Variants in AFAP1 observed in about 807,000 individuals in gnomAD.
AFAP1 encodes actin filament associated protein 1.
Under a neutral mutation model 93.9 loss-of-function variants are expected in AFAP1, and 75 were observed. The observed-to-expected ratio is 0.80, with a 90% confidence interval of 0.66 to 0.97. AFAP1 has a LOEUF of 0.97. Ranked by LOEUF, AFAP1 falls within the 50% of genes least tolerant of loss-of-function variation. AFAP1 has a pLI of 0.00. For synonymous variants in AFAP1, 517 were observed against 430.7 expected (o/e 1.20, Z -2.48); for missense variants, 1,201 against 1,050.8 (o/e 1.14, Z -1.98).
At chr4:7,911,284 C>A (rs779189128) in intron 1 of AFAP1, among the ~76,000 whole-genome samples, 1 of 152,188 alleles carries the variant, frequency 6.6e-6, no homozygotes, top group South Asian at 2.1e-4. Flanking sequence ...CAGGAGCCAG[C>A]CGCCTCCTTC....
rs1470409906 is a variant in AFAP1, at chr4:7,773,003, C to G, written c.2070G>C (p.Lys690Asn). 1 of 1,609,074 alleles carries G rather than the reference C, an allele frequency of 6.2e-7. No individual in the cohort carries two copies. The highest frequency in any genetic ancestry group is 2.2e-5 in the East Asian group (1 of 44,870). The change falls in exon 16 of 18, where the codon AAG (lysine) becomes AAC (asparagine). Residue 690 changes from lysine (K) to asparagine (N), a missense_variant. Physicochemically the swap from Lys to Asn is moderately conservative, Grantham distance 94 (BLOSUM62 0). Transcript: ENST00000420658. ...RAAIEVNAGR[K>N]PQAILEEKLK... The stretch of plus-strand genomic sequence containing the variant: ...GCTTCTCCTCCAGGATCGCCTGCGG[C>G]TTCCTGCCTGGAATTCCCAGAAACG...
intron 14 of AFAP1, 166 bp downstream of exon 14, chr4:7,778,596 T>A: frequency 1.4e-6 from 1 of 692,432 alleles, no homozygotes; most frequent in Non-Finnish European, 2.5e-6. Flanking sequence ...TGGGTTGAAA[T>A]CGCCACTGTC....
chr4:7,936,212 T>C (rs1471468427), intron 1 of AFAP1, among the ~76,000 whole-genome samples: 1 of 152,254 alleles, frequency 6.6e-6, no homozygotes, highest in Non-Finnish European at 1.5e-5. Context: ...GAGAAAATTG[T>C]GTCTCCTTTC....
intron 1 of AFAP1, among the ~76,000 whole-genome samples, chr4:7,918,783 G>T (rs528355232): frequency 2.5e-4 from 32 of 125,590 alleles, no homozygotes; most frequent in African/African-American, 1.0e-3. Flanking sequence ...ACTCGGCCCA[G>T]GTCACCAGGA....
chr4:7,842,887 T>C (rs909376912), intron 5 of AFAP1: 3 of 484,402 alleles, frequency 6.2e-6, no homozygotes, highest in African/African-American at 5.8e-5. Context: ...TGCCCGGGAA[T>C]GGGAATGATT....
intron 4 of AFAP1, among the ~76,000 whole-genome samples, chr4:7,850,093 G>C (rs949763032): frequency 2.0e-5 from 3 of 152,092 alleles, no homozygotes; most frequent in Non-Finnish European, 4.4e-5. Context: ...GCAGAGATCT[G>C]ACTTATGTTT....
At chr4:7,806,910 G>C (rs887927930) in intron 9 of AFAP1, among the ~76,000 whole-genome samples, 3 of 148,690 alleles carry the variant, frequency 2.0e-5, no homozygotes, top group Admixed American at 6.7e-5. Flanking sequence ...GCAGTGTCTA[G>C]TCACCAGCAC....
chr4:7,845,507 T>C (rs1333248600), intron 4 of AFAP1, among the ~76,000 whole-genome samples: 2 of 152,048 alleles, frequency 1.3e-5, no homozygotes, highest in African/African-American at 2.4e-5. Flanking sequence ...GCACTAGGAA[T>C]GGGCTGAAGA....
intron 3 of AFAP1, among the ~76,000 whole-genome samples, chr4:7,866,705 G>A (rs544386625): frequency 6.6e-6 from 1 of 152,196 alleles, no homozygotes; most frequent in South Asian, 2.1e-4. Flanking sequence ...AAATAACAAT[G>A]CTATATTTCT....
At chr4:7,819,887 A>G (rs894511579) in intron 6 of AFAP1, among the ~76,000 whole-genome samples, 3 of 152,248 alleles carry the variant, frequency 2.0e-5, no homozygotes, top group African/African-American at 7.2e-5. Flanking sequence ...CCTGTGCTTC[A>G]GCTTCCTCAT....
At chr4:7,792,853 C>T (rs999231014) in intron 11 of AFAP1, among the ~76,000 whole-genome samples, 5 of 152,156 alleles carry the variant, frequency 3.3e-5, no homozygotes, top group African/African-American at 1.2e-4. Context: ...CTTTTACTAT[C>T]GCAAATGGTA....
chr4:7,898,808 AGTGTGT>A (rs56404898), intron 1 of AFAP1, among the ~76,000 whole-genome samples: 34 of 137,022 alleles, frequency 2.5e-4, no homozygotes, highest in African/African-American at 3.3e-4. Context: ...GGGCAGTAGA[AGTGTGT>A]GTGTGTGTGT....
At chr4:7,880,443 C>A (rs1717775149) in intron 1 of AFAP1, among the ~76,000 whole-genome samples, 1 of 152,138 alleles carries the variant, frequency 6.6e-6, no homozygotes, top group Admixed American at 6.5e-5. Context: ...CCACACCCGG[C>A]TAATTTTTGT....
At chr4:7,900,037 T>C (rs1241634858) in intron 1 of AFAP1, among the ~76,000 whole-genome samples, 2 of 152,116 alleles carry the variant, frequency 1.3e-5, no homozygotes, top group Non-Finnish European at 1.5e-5. Flanking sequence ...CCATGGCAAA[T>C]ACCCCCAGCA....
chr4:7,773,043 G>GC, intron 15 of AFAP1, 33 bp from the exon 16 acceptor site: 2 of 1,591,398 alleles, frequency 1.3e-6, no homozygotes, highest in Non-Finnish European at 1.7e-6. Context: ...TACTCCCGCG[G>GC]CAGGCACAGG....
At chr4:7,883,672 A>G (rs760905075) in intron 1 of AFAP1, among the ~76,000 whole-genome samples, 3 of 152,260 alleles carry the variant, frequency 2.0e-5, no homozygotes, top group Non-Finnish European at 4.4e-5. Context: ...TATATCAAAC[A>G]ATAAATAGCT....
chr4:7,835,334 G>A (rs77623945), intron 6 of AFAP1, among the ~76,000 whole-genome samples: 1,417 of 34,738 alleles, frequency 0.041, no homozygotes, highest in African/African-American at 0.15. Context: ...GACTGCGGGC[G>A]GCCTCAAGGT....
intron 15 of AFAP1, 160 bp downstream of exon 15, chr4:7,774,579 A>G: frequency 8.7e-7 from 1 of 1,152,986 alleles, no homozygotes; most frequent in South Asian, 1.7e-5. Flanking sequence ...CGGGGTTACC[A>G]GCAATGTTTC....
At chr4:7,766,491 G>C (rs971666543) in intron 17 of AFAP1, among the ~76,000 whole-genome samples, 2 of 152,144 alleles carry the variant, frequency 1.3e-5, no homozygotes, top group Non-Finnish European at 2.9e-5. Flanking sequence ...TAAGCGACAG[G>C]ATGAGAACCT....
Sources: allele counts gnomAD v4.1 joint callset (sites outside exome capture counted in the v4.1 genomes callset), GRCh38; gene constraint gnomAD v4.1.1; transcripts MANE v1.5; gene names NCBI Gene and HGNC (gene_info 2026-07-23, HGNC 2026-07-21).